CREB3L2: variants seen among roughly 807,000 people sequenced by gnomAD.
CREB3L2 encodes cAMP responsive element binding protein 3 like 2.
A neutral mutation model predicts 57.2 loss-of-function variants in CREB3L2; 23 were observed. The ratio of observed to expected loss-of-function variants is 0.40; its 90% CI spans 0.29 to 0.57. CREB3L2 has a LOEUF of 0.57. CREB3L2 is among the 20% of genes least tolerant of loss of function. CREB3L2 has a pLI of 0.42. For missense variants in CREB3L2, 628 were observed against 634.7 expected, an observed-to-expected ratio of 0.99 and a Z score of 0.11; for synonymous variants, 268 against 265.1, an observed-to-expected ratio of 1.01 and a Z score of -0.11.
At chr7:137,922,765 T>C (rs1350384237) in intron 2 of CREB3L2, 1 of 307,848 alleles carries the variant, frequency 3.2e-6, no homozygotes, top group East Asian at 9.4e-5. Flanking sequence ...TTATGTAACA[T>C]ATCTAAAGTG....
Position 137,909,200 on chromosome 7 carries a change from A to G in CREB3L2, c.584-764T>C, listed in dbSNP as rs982367510. Among the ~76,000 whole-genome samples, 13 of 152,344 alleles carry G rather than the reference A, an allele frequency of 8.5e-5. No individual in the cohort carries two copies. In the South Asian group the frequency reaches 2.7e-3, roughly 32 times the overall value. On this transcript the variant is annotated intron_variant, in intron 4 of 11. Coordinates refer to ENST00000330387, the MANE Select transcript of CREB3L2 (RefSeq NM_194071.4). The stretch of plus-strand genomic sequence containing the variant: ...GACGCCAGGCATTCTTCATTCAGAA[A>G]ACATGAAATCCATCTTCAGATACGG...
intron 5 of CREB3L2, 90 bp downstream of exon 5, chr7:137,908,162 C>A (rs1799928880): frequency 4.2e-6 from 4 of 942,548 alleles, no homozygotes; most frequent in Non-Finnish European, 5.6e-6. Flanking sequence ...AAAAACCAAA[C>A]AGCCTTGAGT....
At chr7:137,977,859 T>C (rs943193525) in intron 1 of CREB3L2, among the ~76,000 whole-genome samples, 2 of 150,840 alleles carry the variant, frequency 1.3e-5, no homozygotes, top group Non-Finnish European at 2.9e-5. Context: ...AGGTGGAGGT[T>C]GCAGTGAACC....
rs111358392 is a variant in CREB3L2 at position 137,895,448 on chromosome 7, AG to A, written c.1043+5905del. On this transcript the variant is annotated intron_variant, in intron 8 of 11. Transcript: ENST00000330387. Reference sequence around the variant, plus strand: ...TGCAATTAGCGGATCACCTCAGCAAAGGAAGTGTGAAGGTGCTTTCGCACCA... The same window carrying A: ...TGCAATTAGCGGATCACCTCAGCAAAGAAGTGTGAAGGTGCTTTCGCACCA... Among the ~76,000 whole-genome samples the A allele has an allele frequency of 3.3e-5, 5 of 152,338 alleles. 2 individuals are homozygous for A. Among genetic ancestry groups the A allele is most frequent in the African/African-American group, 1.2e-4 (5 of 41,582 alleles).
chr7:137,993,392 C>T lies in CREB3L2; in HGVS notation c.102+8212G>A, dbSNP rs137960839. ...AACAGGGACTGTTTCAATCACCCCACGCCCACCTTGTTCTCTAATCAAAAC... is the reference window on the plus strand; with the variant it reads ...AACAGGGACTGTTTCAATCACCCCATGCCCACCTTGTTCTCTAATCAAAAC... On this transcript the variant is annotated intron_variant, in intron 1 of 11. Coordinates refer to ENST00000330387, the MANE Select transcript of CREB3L2 (RefSeq NM_194071.4). Among the ~76,000 whole-genome samples, 601 of 152,314 alleles carry T rather than the reference C, an allele frequency of 3.9e-3. 4 individuals carry two copies. Among genetic ancestry groups the T allele is most frequent in the African/African-American group, 0.014 (568 of 41,552 alleles).
chr7:137,900,425 G>A (rs1425304967), intron 8 of CREB3L2, among the ~76,000 whole-genome samples: 9 of 152,110 alleles, frequency 5.9e-5, no homozygotes, highest in Non-Finnish European at 1.3e-4. Flanking sequence ...TATCAACTTG[G>A]TACCGTTACA....
intron 1 of CREB3L2, among the ~76,000 whole-genome samples, chr7:137,944,158 G>C (rs1371884011): frequency 1.3e-5 from 2 of 152,110 alleles, no homozygotes; most frequent in Non-Finnish European, 2.9e-5. Flanking sequence ...GCTTTAAACT[G>C]ATCTTTTGCT....
chr7:137,883,922 A>G (rs1419675390), intron 10 of CREB3L2, among the ~76,000 whole-genome samples: 1 of 152,214 alleles, frequency 6.6e-6, no homozygotes, highest in Non-Finnish European at 1.5e-5. Context: ...TTTCTAGGTG[A>G]GAACACCATA....
At chr7:137,993,344 C>G (rs1440431064) in intron 1 of CREB3L2, among the ~76,000 whole-genome samples, 1 of 152,172 alleles carries the variant, frequency 6.6e-6, no homozygotes, top group African/African-American at 2.4e-5. Flanking sequence ...TTCCACCATG[C>G]CATCAACTCC....
At position 137,876,108 on chromosome 7, in the gene CREB3L2, G is replaced by A. The variant is rs1268271156; in HGVS notation, c.*4368C>T. 6 of 231,918 alleles carry A rather than the reference G, an allele frequency of 2.6e-5. No individual in the cohort carries two copies. The highest frequency in any genetic ancestry group is 1.8e-4 in the South Asian group (1 of 5,514). 14.4% of individuals were successfully genotyped at this position (231,918 alleles called of 1,614,324 possible). ...GCAAACTGGGATTTTCCTAATGGAC[G>A]TAACCCTATTTCTTTTCTCCTGATG... is the stretch of plus-strand genomic sequence containing the variant. On this transcript the variant is annotated 3_prime_UTR_variant, in exon 12 of 12. Coordinates refer to ENST00000330387, the MANE Select transcript of CREB3L2 (RefSeq NM_194071.4).
chr7:137,961,200 G>A lies in CREB3L2; in HGVS notation c.103-32834C>T, dbSNP rs540630919. On this transcript the variant is annotated intron_variant, in intron 1 of 11. Coordinates refer to ENST00000330387, the MANE Select transcript of CREB3L2 (RefSeq NM_194071.4). ...CTTCCTCCAAATTATAAACTGGGGG[G>A]TGGGGGGTGGGGGACATGAGAACAT... Among the ~76,000 whole-genome samples the A allele has an allele frequency of 4.6e-4, 52 of 112,504 alleles. No individual in the cohort carries two copies. In the South Asian group the frequency reaches 0.016, roughly 34 times the overall value. The allele number at this position is 112,504 out of a possible 152,430, so 73.8% of individuals were successfully genotyped here. A position where few individuals can be genotyped will look rare whatever the true frequency, so the allele number is the denominator to read the frequency against.
At position 137,991,864 on chromosome 7, in the gene CREB3L2, C is replaced by T. The variant is rs550237520; in HGVS notation, c.102+9740G>A. ...TGGAGGTTGCAGTGAGCCAAGATCA[C>T]GCCATTGCACTCCAGCCTGGGCAAC... is the stretch of plus-strand genomic sequence containing the variant. On this transcript the variant is annotated intron_variant, in intron 1 of 11. Transcript: ENST00000330387. Among the ~76,000 whole-genome samples, 12 of 150,826 alleles carry T rather than the reference C, an allele frequency of 8.0e-5. No individual in the cohort carries two copies. The South Asian group carries it at 1.0e-3, about 13-fold the overall frequency.
At position 137,913,082 on chromosome 7, in the gene CREB3L2, G is replaced by C. The variant is rs375880783; in HGVS notation, c.496-4C>G. ...TGGTCTGGCACGAGGAATCAACCTG[G>C]AGGAAGAATTTCAAACACAATTTTT... On this transcript the variant is annotated splice_region_variant and splice_polypyrimidine_tract_variant and intron_variant, in intron 3 of 11. Transcript: ENST00000330387. 6.2e-7 allele frequency: 1 copy of C among 1,611,120 alleles called. No homozygotes were observed. Among genetic ancestry groups the C allele is most frequent in the African/African-American group, 1.3e-5 (1 of 74,788 alleles).
intron 1 of CREB3L2, among the ~76,000 whole-genome samples, chr7:137,936,924 G>A (rs896465445): frequency 6.6e-6 from 1 of 152,184 alleles, no homozygotes; most frequent in Non-Finnish European, 1.5e-5. Flanking sequence ...TCTGCCTCCC[G>A]GGTTTGTTTA....
chr7:137,968,289 C>T (rs1244975598), intron 1 of CREB3L2, among the ~76,000 whole-genome samples: 1 of 151,860 alleles, frequency 6.6e-6, no homozygotes, highest in Non-Finnish European at 1.5e-5. Flanking sequence ...TATACATGTG[C>T]CATGTGGGTT....
In CREB3L2 at chr7:137,880,477, T is replaced by C. The variant is rs766876279; in HGVS notation, c.1562A>G (p.Ter521=). The C allele has an allele frequency of 3.1e-6, 5 of 1,612,420 alleles. No homozygotes were observed. The highest frequency in any genetic ancestry group is 2.2e-5 in the East Asian group (1 of 44,894). Reference sequence around the variant, plus strand: ...AGGGAGGGGGTGCAGGCAGCCTCTTTAGAAAGTGGTGTTCACTCTTCTGTC... The same window carrying C: ...AGGGAGGGGGTGCAGGCAGCCTCTTCAGAAAGTGGTGTTCACTCTTCTGTC... ...ELDRRVNTTF[*] Residue 521 remains the stop codon, a stop_retained_variant, in exon 12 of 12, where the codon TAA becomes TGA. Coordinates refer to ENST00000330387, the MANE Select transcript of CREB3L2 (RefSeq NM_194071.4). This position sits in a 1 kb window ranked among gnomAD's most constrained non-coding sequence, Gnocchi z 4.0.
chr7:137,955,471 T>TA (rs1801191187), intron 1 of CREB3L2: 2 of 367,030 alleles, frequency 5.4e-6, no homozygotes, highest in Admixed American at 3.2e-5. Flanking sequence ...TCATGGAGTC[T>TA]AGAAATATGT....
At chr7:137,962,272 A>G (rs1224048484) in intron 1 of CREB3L2, among the ~76,000 whole-genome samples, 1 of 152,148 alleles carries the variant, frequency 6.6e-6, no homozygotes, top group Non-Finnish European at 1.5e-5. Context: ...CTAGATGGCC[A>G]TGGCTCTGAC....
chr7:137,944,533 A>G (rs958299220), intron 1 of CREB3L2, among the ~76,000 whole-genome samples: 2 of 152,258 alleles, frequency 1.3e-5, no homozygotes, highest in Admixed American at 1.3e-4. Context: ...GAGTGAAGGC[A>G]ACAAGATCAC....
Sources: allele counts gnomAD v4.1 joint callset (sites outside exome capture counted in the v4.1 genomes callset), GRCh38; gene constraint gnomAD v4.1.1; non-coding constraint Gnocchi (gnomAD v3.1); transcripts MANE v1.5; gene names NCBI Gene and HGNC (gene_info 2026-07-23, HGNC 2026-07-21).